AGL: variants seen among roughly 807,000 people sequenced by gnomAD.
AGL encodes glycogen debranching enzyme.
In AGL, 128 loss-of-function variants were observed where a neutral mutation model predicts 199.3. The observed-to-expected ratio is 0.64, with a 90% CI of 0.56 to 0.74. The LOEUF is 0.74. Ranked by LOEUF, AGL falls within the 30% of genes least tolerant of loss-of-function variation. The probability of loss-of-function intolerance (pLI) is 0.00; values close to 1 mark genes in which losing one functional copy is unlikely to be tolerated. For synonymous variants in AGL, 584 were observed against 594.7 expected, an observed-to-expected ratio of 0.98 and a Z score of 0.26; for missense variants, 1,809 against 1,820.8, an observed-to-expected ratio of 0.99 and a Z score of 0.12.
intron 14 of AGL, 63 bp downstream of exon 14, chr1:99,880,858 C>T (rs2101149594): frequency 6.4e-7 from 1 of 1,556,836 alleles, no homozygotes; most frequent in Admixed American, 1.7e-5. Flanking sequence ...AACTCTCTGA[C>T]ACTTGGTCAC....
intron 2 of AGL, 152 bp downstream of exon 2, chr1:99,851,276 A>G (rs1333929525): frequency 1.4e-6 from 1 of 711,098 alleles, no homozygotes; most frequent in Non-Finnish European, 2.5e-6. Flanking sequence ...TGTTCTCCAT[A>G]TATCACTAAT....
chr1:99,894,020 C>CA (rs59279627), intron 24 of AGL, among the ~76,000 whole-genome samples: 74 of 144,824 alleles, frequency 5.1e-4, no homozygotes, highest in East Asian at 2.8e-3. Context: ...CCATCTTTAC[C>CA]AAAAAAAAAA....
intron 2 of AGL, among the ~76,000 whole-genome samples, chr1:99,858,670 T>C (rs1265207391): frequency 6.6e-6 from 1 of 152,206 alleles, no homozygotes; most frequent in Non-Finnish European, 1.5e-5. Flanking sequence ...AAGTAGAACT[T>C]GAAATCTTTG....
At chr1:99,870,704 G>C in intron 6 of AGL, 54 bp from the exon 7 acceptor site, 1 of 1,423,646 alleles carries the variant, frequency 7.0e-7, no homozygotes, top group Non-Finnish European at 9.8e-7. Flanking sequence ...TTGCTTAACT[G>C]ATTTTAAATA....
Position 99,881,585 on chromosome 1 carries a change from ACACT to A in AGL, c.2206_2209del (p.Ser736LeufsTer39). On this transcript the variant is annotated frameshift_variant, in exon 17 of 34. Transcript: ENST00000361915. LOFTEE classifies it high-confidence loss of function. ...ATGAAGACATAGTGGCAGTAACAAGACACTCACCTAGCATCCATCAGTCTGTTGT... is the reference window on the plus strand; with the variant it reads ...ATGAAGACATAGTGGCAGTAACAAGACACCTAGCATCCATCAGTCTGTTGT... 1.9e-6 allele frequency: 3 copies of A among 1,614,084 alleles called. No individual in the cohort carries two copies. The highest frequency in any genetic ancestry group is 2.5e-6 in the Non-Finnish European group (3 of 1,179,976).
chr1:99,872,067 T>C (rs1178593741), intron 7 of AGL, among the ~76,000 whole-genome samples: 1 of 152,214 alleles, frequency 6.6e-6, no homozygotes, highest in African/African-American at 2.4e-5. Context: ...GTTGACAATA[T>C]GAATTTATTA....
intron 10 of AGL, among the ~76,000 whole-genome samples, chr1:99,875,731 T>C (rs1651466235): frequency 6.6e-6 from 1 of 152,184 alleles, no homozygotes; most frequent in South Asian, 2.1e-4. Context: ...ATTAATCAAA[T>C]TAAGCAAGCA....
At chr1:99,881,774 G>A in intron 17 of AGL, 83 bp downstream of exon 17, 1 of 1,160,748 alleles carries the variant, frequency 8.6e-7, no homozygotes, top group East Asian at 2.7e-5. Flanking sequence ...TATATATCAT[G>A]TATATATCAT....
chr1:99,883,058 C>T (rs919312726), intron 17 of AGL, among the ~76,000 whole-genome samples: 7 of 152,034 alleles, frequency 4.6e-5, no homozygotes, highest in East Asian at 1.9e-4. Context: ...CACTTCAGTC[C>T]GCAAAATTGT....
chr1:99,908,791 A>G (rs1193307687), intron 27 of AGL, among the ~76,000 whole-genome samples: 1 of 152,142 alleles, frequency 6.6e-6, no homozygotes, highest in Non-Finnish European at 1.5e-5. Flanking sequence ...TTTAGTATGC[A>G]GCTTCTGGCC....
At chr1:99,869,801 G>C (rs888981773) in intron 5 of AGL, among the ~76,000 whole-genome samples, 2 of 151,968 alleles carry the variant, frequency 1.3e-5, no homozygotes, top group Admixed American at 6.6e-5. Flanking sequence ...ACTTTCATTC[G>C]TTTATTTTAA....
chr1:99,857,079 C>G (rs4307591), intron 2 of AGL, among the ~76,000 whole-genome samples: 40,257 of 149,882 alleles, frequency 0.27, 6,173 homozygotes, highest in African/African-American at 0.44. Context: ...CTGACCCCCC[C>G]ACCTCCCTCC....
chr1:99,875,294 C>CTTTTT, intron 9 of AGL, 38 bp downstream of exon 9: 1 of 1,611,690 alleles, frequency 6.2e-7, no homozygotes, highest in Non-Finnish European at 8.5e-7. Flanking sequence ...TTCCTTGCAT[C>CTTTTT]TTACTACTAT....
intron 5 of AGL, among the ~76,000 whole-genome samples, chr1:99,865,536 C>T (rs1034517965): frequency 6.6e-6 from 1 of 152,208 alleles, no homozygotes; most frequent in African/African-American, 2.4e-5. Context: ...GAAATGGTTG[C>T]TCCCCTCACC....
At chr1:99,880,106 G>A in intron 13 of AGL, 60 bp downstream of exon 13, 1 of 1,605,234 alleles carries the variant, frequency 6.2e-7, no homozygotes, top group Non-Finnish European at 8.5e-7. Context: ...GTAGATTAAA[G>A]GATTTAATAG....
intron 20 of AGL, among the ~76,000 whole-genome samples, chr1:99,885,674 G>C (rs1029946373): frequency 6.6e-6 from 1 of 152,124 alleles, no homozygotes; most frequent in African/African-American, 2.4e-5. Flanking sequence ...CCCTGCGAGG[G>C]ATTTAGATTG....
chr1:99,866,055 G>A (rs1042006608), intron 5 of AGL, among the ~76,000 whole-genome samples: 1 of 152,118 alleles, frequency 6.6e-6, no homozygotes. Flanking sequence ...ATGACTTGAG[G>A]CCAGGAGTTT....
intron 5 of AGL, 55 bp downstream of exon 5, chr1:99,864,644 A>G (rs1650351582): frequency 7.1e-7 from 1 of 1,401,230 alleles, no homozygotes; most frequent in Admixed American, 1.7e-5. Flanking sequence ...ATGCACACAC[A>G]CATATACACA....
At position 99,896,397 on chromosome 1, in the gene AGL, G is replaced by A. The variant is rs747485058; in HGVS notation, c.3362+9G>A. 41 of 1,596,818 alleles carry A rather than the reference G, an allele frequency of 2.6e-5. No homozygotes were observed. Among genetic ancestry groups the A allele is most frequent in the Middle Eastern group, 1.7e-4 (1 of 6,046 alleles). On this transcript the variant is annotated intron_variant, in intron 25 of 33. Transcript: ENST00000361915. The stretch of plus-strand genomic sequence containing the variant: ...CGCTATGTAGAAGCCAGGTAGGAGA[G>A]CCTCTAAAGTGTTGTACTGCGAGTT...
Sources: gnomAD v4.1 joint callset for allele counts (sites outside exome capture counted in the v4.1 genomes callset) on GRCh38, gnomAD v4.1.1 for gene constraint, MANE v1.5 for transcripts, NCBI Gene and HGNC (gene_info 2026-07-23, HGNC 2026-07-21) for gene names.